The following LRPPRC variants were observed in gnomAD, a reference collection of about 807,000 sequenced individuals.
LRPPRC encodes the protein leucine-rich PPR motif-containing protein, mitochondrial.
A neutral mutation model predicts 180.3 loss-of-function variants in LRPPRC; 120 were observed. That is an observed-to-expected ratio of 0.67 (90% confidence interval 0.57 to 0.77). The LOEUF (loss-of-function observed/expected upper bound fraction) is 0.77, where lower values mean the gene tolerates loss of function less well. Among genes scored for constraint, LRPPRC ranks in the 30% least tolerant of loss-of-function variants. The pLI, the probability that LRPPRC is intolerant of heterozygous loss-of-function variation, is 0.00. For synonymous variants in LRPPRC, 723 were observed against 600.0 expected (o/e 1.21, Z -3.00); for missense variants, 2,012 against 1,657.2 (o/e 1.21, Z -3.72).
intron 1 of LRPPRC, among the ~76,000 whole-genome samples, chr2:43,991,433 A>G (rs769768666): frequency 6.6e-6 from 1 of 152,228 alleles, no homozygotes; most frequent in Non-Finnish European, 1.5e-5. Context: ...CCATCCCATC[A>G]AAGAACAATA....
chr2:43,945,187 G>A lies in LRPPRC; in HGVS notation c.2296+145C>T, dbSNP rs1572951840. 4 of 657,866 alleles carry A rather than the reference G, an allele frequency of 6.1e-6. No homozygotes were observed. In the Admixed American group the frequency reaches 6.4e-5, roughly 11 times the overall value. 40.8% of individuals were successfully genotyped at this position (657,866 alleles called of 1,614,324 possible). ...AAAACTAATGGCCTACACTGTCCAT[G>A]TAGCTCTGGTTGGATTCACATGCAA... On this transcript the variant is annotated intron_variant, in intron 22 of 37. Transcript: ENST00000260665.
At chr2:43,925,005 C>A in intron 27 of LRPPRC, 62 bp downstream of exon 27, 3 of 983,506 alleles carry the variant, frequency 3.1e-6, no homozygotes, top group Non-Finnish European at 3.3e-6. Flanking sequence ...ACCAAATACT[C>A]CTTTCCTGCC....
At chr2:43,982,519 T>C in intron 1 of LRPPRC, 85 bp from the exon 2 acceptor site, 1 of 1,021,756 alleles carries the variant, frequency 9.8e-7, no homozygotes, top group African/African-American at 1.6e-5. Flanking sequence ...ATTTTAAAAT[T>C]AGTTATTAAA....
chr2:43,918,853 A>ATC (rs1484199722), intron 27 of LRPPRC, among the ~76,000 whole-genome samples: 32 of 148,230 alleles, frequency 2.2e-4, no homozygotes, highest in African/African-American at 5.9e-4. Flanking sequence ...ATATAGAGAT[A>ATC]TATATATAGA....
intron 1 of LRPPRC, among the ~76,000 whole-genome samples, chr2:43,987,786 T>C (rs1444854236): frequency 6.6e-6 from 1 of 152,204 alleles, no homozygotes; most frequent in Non-Finnish European, 1.5e-5. Flanking sequence ...ATCCTATCAT[T>C]GTTCTTTACT....
chr2:43,979,986 C>T, intron 2 of LRPPRC, 38 bp from the exon 3 acceptor site: 1 of 1,596,108 alleles, frequency 6.3e-7, no homozygotes, highest in Non-Finnish European at 8.6e-7. Context: ...TTTAACATAG[C>T]AGCAATATCA....
intron 3 of LRPPRC, among the ~76,000 whole-genome samples, 168 bp from the exon 4 acceptor site, chr2:43,977,444 G>A (rs1440918946): frequency 6.6e-6 from 1 of 152,164 alleles, no homozygotes; most frequent in Non-Finnish European, 1.5e-5. Context: ...CACAGAGCAA[G>A]CTAAGCATGT....
chr2:43,935,888 G>C (rs951890540), intron 23 of LRPPRC, among the ~76,000 whole-genome samples: 1 of 151,770 alleles, frequency 6.6e-6, no homozygotes, highest in Non-Finnish European at 1.5e-5. Context: ...CAAGGAGGGC[G>C]GATCACCTGA....
At chr2:43,953,426 T>G (rs1357856700) in intron 14 of LRPPRC, among the ~76,000 whole-genome samples, 1 of 152,250 alleles carries the variant, frequency 6.6e-6, no homozygotes. Context: ...CGCTTAAACT[T>G]ATTTTTACTA....
intron 36 of LRPPRC, among the ~76,000 whole-genome samples, chr2:43,894,255 C>G (rs1052407588): frequency 1.3e-5 from 2 of 152,148 alleles, no homozygotes; most frequent in Non-Finnish European, 2.9e-5. Flanking sequence ...ATTTCCAGGT[C>G]TTCCCAGGAG....
At chr2:43,915,238 A>T (rs900933245) in intron 29 of LRPPRC, among the ~76,000 whole-genome samples, 2,344 of 47,976 alleles carry the variant, frequency 0.049, 19 homozygotes, top group South Asian at 0.095. Flanking sequence ...TCTCTCACAC[A>T]CACACACACA....
intron 13 of LRPPRC, 91 bp from the exon 14 acceptor site, chr2:43,957,542 CT>C: frequency 2.2e-6 from 2 of 911,590 alleles, no homozygotes; most frequent in Non-Finnish European, 3.6e-6. Flanking sequence ...ATACCAATAC[CT>C]TTTAGTTTTC....
At chr2:43,918,711 C>A (rs1304568829) in intron 27 of LRPPRC, among the ~76,000 whole-genome samples, 1 of 150,438 alleles carries the variant, frequency 6.6e-6, no homozygotes, top group Non-Finnish European at 1.5e-5. Flanking sequence ...GTGCCTACTG[C>A]CGAAATCAAA....
chr2:43,937,738 T>A (rs1672326875), intron 23 of LRPPRC, among the ~76,000 whole-genome samples: 1 of 152,202 alleles, frequency 6.6e-6, no homozygotes, highest in African/African-American at 2.4e-5. Flanking sequence ...GACTCTGTGC[T>A]TATTAGGTTC....
chr2:43,918,761 T>G (rs531393401), intron 27 of LRPPRC, among the ~76,000 whole-genome samples: 94 of 147,844 alleles, frequency 6.4e-4, no homozygotes, highest in African/African-American at 2.3e-3. Context: ...CCTTTAGCGT[T>G]GCAAAGATCC....
At chr2:43,888,960 A>C (rs1670375775) in intron 37 of LRPPRC, among the ~76,000 whole-genome samples, 1 of 152,216 alleles carries the variant, frequency 6.6e-6, no homozygotes. Flanking sequence ...TGAAATAAAC[A>C]CGGTGTATTG....
chr2:43,925,037 G>C lies in LRPPRC; in HGVS notation c.2896+30C>G, dbSNP rs533502426. ...TGCCACTGCCTTCAACAGAATAAAT[G>C]AAAGCGTGAAGAATAGTTAAATCAC... is the stretch of plus-strand genomic sequence containing the variant. On this transcript the variant is annotated intron_variant, in intron 27 of 37. Transcript: ENST00000260665. 477 of 1,226,196 alleles carry C rather than the reference G, an allele frequency of 3.9e-4. 6 individuals are homozygous for C. In the South Asian group the frequency reaches 5.3e-3, roughly 14 times the overall value. 76.0% of individuals were successfully genotyped at this position (1,226,196 alleles called of 1,614,324 possible).
At chr2:43,966,762 A>T (rs114140811) in intron 11 of LRPPRC, among the ~76,000 whole-genome samples, 30,263 of 151,508 alleles carry the variant, frequency 0.2, 3,686 homozygotes, top group African/African-American at 0.33. Flanking sequence ...ATAAAAAAAT[A>T]AATAAAAGCC....
At chr2:43,923,505 A>C (rs1042439383) in intron 27 of LRPPRC, among the ~76,000 whole-genome samples, 2 of 152,146 alleles carry the variant, frequency 1.3e-5, no homozygotes, top group African/African-American at 4.8e-5. Flanking sequence ...AACTAATAGT[A>C]AAAGTTCTTC....
Sources: allele counts gnomAD v4.1 joint callset (sites outside exome capture counted in the v4.1 genomes callset), GRCh38; gene constraint gnomAD v4.1.1; transcripts MANE v1.5; gene names NCBI Gene and HGNC (gene_info 2026-07-23, HGNC 2026-07-21).